Variants in RAPGEF4 observed in about 807,000 individuals in gnomAD.
The protein encoded by RAPGEF4 is Rap guanine nucleotide exchange factor 4, also known as RAP guanine-nucleotide-exchange factor (GEF) 4.
A neutral mutation model predicts 147.9 loss-of-function variants in RAPGEF4; 66 were observed. The observed-to-expected ratio is 0.45, with a 90% CI of 0.37 to 0.55. The LOEUF (loss-of-function observed/expected upper bound fraction) is 0.55. RAPGEF4 is among the 20% of genes least tolerant of loss of function. RAPGEF4 has a pLI of 0.00. For synonymous variants in RAPGEF4, 419 were observed against 442.7 expected, an observed-to-expected ratio of 0.95 and a Z score of 0.67; for missense variants, 1,071 against 1,257.3, an observed-to-expected ratio of 0.85 and a Z score of 2.24.
intron 6 of RAPGEF4, among the ~76,000 whole-genome samples, chr2:172,936,397 C>G (rs532742200): frequency 2.6e-5 from 4 of 152,206 alleles, no homozygotes; most frequent in African/African-American, 9.6e-5. Context: ...AATGCTACCT[C>G]CCAGAGCTCT....
chr2:172,906,554 A>T (rs1699651540), intron 4 of RAPGEF4, among the ~76,000 whole-genome samples: 1 of 152,072 alleles, frequency 6.6e-6, no homozygotes, highest in Admixed American at 6.5e-5. Context: ...GCCCAGGAGG[A>T]GGGGGAAAGC....
intron 6 of RAPGEF4, among the ~76,000 whole-genome samples, chr2:172,955,569 A>G (rs1380616044): frequency 6.6e-6 from 1 of 152,178 alleles, no homozygotes; most frequent in East Asian, 1.9e-4. Context: ...ATGCTCAGGT[A>G]GGGAGGAAGA....
intron 23 of RAPGEF4, among the ~76,000 whole-genome samples, chr2:173,024,518 G>A (rs1696469462): frequency 6.6e-6 from 1 of 152,250 alleles, no homozygotes; most frequent in Non-Finnish European, 1.5e-5. Context: ...CGCCCGGCCT[G>A]CTGCAGCACT....
chr2:172,980,189 A>G (rs188496129), intron 10 of RAPGEF4, among the ~76,000 whole-genome samples: 1 of 152,298 alleles, frequency 6.6e-6, no homozygotes, highest in African/African-American at 2.4e-5. Context: ...GAAGATGTGA[A>G]GAGAGGGGAG....
intron 6 of RAPGEF4, among the ~76,000 whole-genome samples, chr2:172,956,883 C>CTGA (rs1688798650): frequency 1.3e-5 from 2 of 152,352 alleles, no homozygotes; most frequent in Admixed American, 1.3e-4. Context: ...CAGATCAAGT[C>CTGA]TGATACCTGA....
At chr2:172,886,164 C>T (rs1361158245) in intron 4 of RAPGEF4, among the ~76,000 whole-genome samples, 2 of 152,176 alleles carry the variant, frequency 1.3e-5, no homozygotes, top group Non-Finnish European at 2.9e-5. Flanking sequence ...TAGAGCTTGG[C>T]GTATTTGCAA....
chr2:172,794,378 A>C (rs1686162538), intron 1 of RAPGEF4, among the ~76,000 whole-genome samples: 1 of 152,012 alleles, frequency 6.6e-6, no homozygotes, highest in Non-Finnish European at 1.5e-5. Context: ...AAAAAGAAAA[A>C]AGCAGACAAA....
At chr2:172,828,880 G>T (rs560909672) in intron 4 of RAPGEF4, among the ~76,000 whole-genome samples, 1 of 152,312 alleles carries the variant, frequency 6.6e-6, no homozygotes, top group East Asian at 1.9e-4. Flanking sequence ...TTTAAAATCA[G>T]ATCTTTCTGT....
Position 173,039,738 on chromosome 2 carries a change from G to T in RAPGEF4, c.2853+3046G>T, listed in dbSNP as rs368012994. 1.1e-4 allele frequency among the ~76,000 whole-genome samples: 17 copies of T among 152,286 alleles called. No homozygotes were observed. In the East Asian group the frequency reaches 1.9e-3, roughly 17 times the overall value. On this transcript the variant is annotated intron_variant, in intron 29 of 30. Coordinates refer to ENST00000397081, the MANE Select transcript of RAPGEF4 (RefSeq NM_007023.4). Reference sequence around the variant, plus strand: ...AGGCTAAAACATGAAGCCCTTATTTGAAGTATTCATATATCCCACTGAAAG... The same window carrying T: ...AGGCTAAAACATGAAGCCCTTATTTTAAGTATTCATATATCCCACTGAAAG...
At chr2:172,983,757 G>A (rs184589314) in intron 11 of RAPGEF4, among the ~76,000 whole-genome samples, 177 bp downstream of exon 11, 1 of 152,254 alleles carries the variant, frequency 6.6e-6, no homozygotes, top group South Asian at 2.1e-4. Flanking sequence ...TCACTGAAAG[G>A]AATCAAATTT....
chr2:172,846,393 T>A (rs1177037596), intron 4 of RAPGEF4, among the ~76,000 whole-genome samples: 1 of 152,234 alleles, frequency 6.6e-6, no homozygotes, highest in Non-Finnish European at 1.5e-5. Context: ...TGGGGATTCA[T>A]CCATGATGGA....
rs371201548 is a variant in RAPGEF4 at position 172,996,570 on chromosome 2, C to T, written c.1579+16C>T. The stretch of plus-strand genomic sequence containing the variant: ...GAAGCAACAGGTATACACATAGAAC[C>T]GTTTGCATGTCCATTAAATCCATGC... On this transcript the variant is annotated intron_variant, in intron 16 of 30. Coordinates refer to ENST00000397081, the MANE Select transcript of RAPGEF4 (RefSeq NM_007023.4). 346 of 1,484,564 alleles carry T rather than the reference C, an allele frequency of 2.3e-4. No individual in the cohort carries two copies. The highest frequency in any genetic ancestry group is 3.0e-4 in the Non-Finnish European group (324 of 1,091,832). 92.0% of individuals were successfully genotyped at this position (1,484,564 alleles called of 1,614,324 possible).
intron 1 of RAPGEF4, among the ~76,000 whole-genome samples, chr2:172,750,758 TAC>T (rs1194444900): frequency 6.6e-6 from 1 of 152,252 alleles, no homozygotes; most frequent in African/African-American, 2.4e-5. Context: ...CACCTTTTCA[TAC>T]ACCTGTTCAC....
chr2:172,755,676 G>T (rs1000048674), intron 1 of RAPGEF4, among the ~76,000 whole-genome samples: 1 of 152,170 alleles, frequency 6.6e-6, no homozygotes, highest in African/African-American at 2.4e-5. Flanking sequence ...GATTACAGGC[G>T]TGAGCTACTG....
intron 1 of RAPGEF4, among the ~76,000 whole-genome samples, chr2:172,781,614 T>C (rs555638571): frequency 6.6e-6 from 1 of 152,304 alleles, no homozygotes; most frequent in African/African-American, 2.4e-5. Flanking sequence ...GCTGCATTTA[T>C]GTACAGTCGT....
chr2:172,767,066 A>G (rs1303626085), intron 1 of RAPGEF4, among the ~76,000 whole-genome samples: 4 of 152,172 alleles, frequency 2.6e-5, no homozygotes. Flanking sequence ...ATGTGTTGTA[A>G]AAGTCATAGT....
Position 172,917,983 on chromosome 2 carries a change from C to T in RAPGEF4, c.517+109C>T, listed in dbSNP as rs551903032. 5 of 938,524 alleles carry T rather than the reference C, an allele frequency of 5.3e-6. No homozygotes were observed. In the African/African-American group the frequency reaches 6.4e-5, roughly 12 times the overall value. The allele number at this position is 938,524 out of a possible 1,614,324, so 58.1% of individuals were successfully genotyped here. A position where few individuals can be genotyped will look rare whatever the true frequency, so the allele number is the denominator to read the frequency against. ...CAGCTTGTCAGAGTAAGTCTCCAGA[C>T]TCTTTTGTGGATAAACAAACCTGCC... On this transcript the variant is annotated intron_variant, in intron 5 of 30. Transcript: ENST00000397081.
chr2:172,930,326 A>C (rs560428898), intron 6 of RAPGEF4, among the ~76,000 whole-genome samples: 13 of 152,310 alleles, frequency 8.5e-5, no homozygotes, highest in Admixed American at 7.2e-4. Context: ...ACCCCTCCTC[A>C]AAGAGCTTGA....
At chr2:172,769,885 A>G (rs1167867775) in intron 1 of RAPGEF4, among the ~76,000 whole-genome samples, 3 of 152,162 alleles carry the variant, frequency 2.0e-5, no homozygotes, top group African/African-American at 4.8e-5. Context: ...TTGTATTTGC[A>G]AAATCTGGCA....
Sources: gnomAD v4.1 joint callset for allele counts (sites outside exome capture counted in the v4.1 genomes callset) on GRCh38, gnomAD v4.1.1 for gene constraint, MANE v1.5 for transcripts, NCBI Gene and HGNC (gene_info 2026-07-23, HGNC 2026-07-21) for gene names.